The following PSD3 variants were observed in gnomAD, a reference collection of about 807,000 sequenced individuals.
The protein encoded by PSD3 is PH and SEC7 domain-containing protein 3.
PSD3 carries 49 observed loss-of-function variants against 105.5 expected under a neutral mutation model. The observed-to-expected ratio is 0.46, with a 90% CI of 0.37 to 0.59. The LOEUF is 0.59. PSD3 is among the 20% of genes least tolerant of loss of function. The probability of loss-of-function intolerance (pLI) is 0.00; values close to 1 mark genes in which losing one functional copy is unlikely to be tolerated. For missense variants in PSD3, 1,561 were observed against 1,263.8 expected, an observed-to-expected ratio of 1.24 and a Z score of -3.57; for synonymous variants, 557 against 457.8, an observed-to-expected ratio of 1.22 and a Z score of -2.77.
At chr8:18,765,618 A>G (rs17127176) in intron 8 of PSD3, 80 bp from the exon 9 acceptor site, 76,723 of 1,216,562 alleles carry the variant, frequency 0.063, 2,826 homozygotes, top group African/African-American at 0.1. Flanking sequence ...GAGGCAGACC[A>G]ATAATTTGTT....
At chr8:18,536,449 A>C (rs1179760171) in intron 15 of PSD3, among the ~76,000 whole-genome samples, 1 of 152,174 alleles carries the variant, frequency 6.6e-6, no homozygotes, top group Non-Finnish European at 1.5e-5. Flanking sequence ...TTGAGGGACC[A>C]TTCCGTGGCT....
chr8:18,740,105 G>A (rs1436135518), intron 9 of PSD3, among the ~76,000 whole-genome samples: 1 of 152,184 alleles, frequency 6.6e-6, no homozygotes, highest in East Asian at 1.9e-4. Flanking sequence ...AGCAGGAGCT[G>A]CTGTCCATGG....
At chr8:18,961,563 G>A (rs1823925404) in intron 1 of PSD3, among the ~76,000 whole-genome samples, 1 of 152,036 alleles carries the variant, frequency 6.6e-6, no homozygotes, top group Non-Finnish European at 1.5e-5. Flanking sequence ...GGTGGCACAT[G>A]CTTGTAATCC....
chr8:18,766,725 A>G (rs923775446), intron 8 of PSD3, among the ~76,000 whole-genome samples: 9 of 152,202 alleles, frequency 5.9e-5, no homozygotes, highest in Admixed American at 2.0e-4. Flanking sequence ...CAAGGTATTT[A>G]TTACTTACAC....
chr8:19,080,269 A>T (rs1829600787), intron 1 of PSD3, among the ~76,000 whole-genome samples: 1 of 152,210 alleles, frequency 6.6e-6, no homozygotes, highest in Admixed American at 6.5e-5. Flanking sequence ...GGTATTATAG[A>T]ATTTTTGAGG....
intron 11 of PSD3, among the ~76,000 whole-genome samples, chr8:18,608,161 A>G (rs1356742321): frequency 6.6e-6 from 1 of 152,184 alleles, no homozygotes; most frequent in Non-Finnish European, 1.5e-5. Context: ...TTGAGGCTGC[A>G]GTGAGCCATG....
chr8:18,949,250 T>TATATATATATATATATACAC (rs1823081438), intron 1 of PSD3, among the ~76,000 whole-genome samples: 1 of 51,748 alleles, frequency 1.9e-5, no homozygotes, highest in African/African-American at 9.3e-5. Context: ...AAAAAATATA[T>TATATATATATATATATACAC]ATATATATAT....
chr8:18,750,595 C>T (rs540807517), intron 9 of PSD3, among the ~76,000 whole-genome samples: 2 of 152,246 alleles, frequency 1.3e-5, no homozygotes, highest in South Asian at 2.1e-4. Flanking sequence ...TGGGTTGCCA[C>T]TGCTGGCTCC....
intron 1 of PSD3, among the ~76,000 whole-genome samples, chr8:19,002,732 C>T (rs994295760): frequency 1.3e-5 from 2 of 151,984 alleles, no homozygotes; most frequent in African/African-American, 4.8e-5. Flanking sequence ...TGACAAGAAA[C>T]AGATGTCCAT....
chr8:18,788,142 T>C (rs115797425), intron 8 of PSD3, among the ~76,000 whole-genome samples: 1,822 of 152,270 alleles, frequency 0.012, 27 homozygotes, highest in African/African-American at 0.042. Flanking sequence ...AAGGAAGTGG[T>C]ATTGGTACTG....
intron 1 of PSD3, among the ~76,000 whole-genome samples, chr8:19,002,468 T>C (rs1292216087): frequency 6.6e-6 from 1 of 152,022 alleles, no homozygotes; most frequent in Non-Finnish European, 1.5e-5. Flanking sequence ...AGTTCTAGTA[T>C]CTACTGAAGA....
chr8:18,583,794 T>C (rs1802975115), intron 12 of PSD3, among the ~76,000 whole-genome samples: 3 of 151,256 alleles, frequency 2.0e-5, no homozygotes, highest in Admixed American at 2.0e-4. Flanking sequence ...AATTGGCCTT[T>C]TGTTTGTTAA....
chr8:18,954,814 C>T (rs1487390326), intron 1 of PSD3, among the ~76,000 whole-genome samples: 2 of 152,146 alleles, frequency 1.3e-5, no homozygotes, highest in East Asian at 1.9e-4. Context: ...CTGATACAGA[C>T]GGTTCAAGGA....
At chr8:18,792,173 T>C (rs1354631133) in intron 8 of PSD3, among the ~76,000 whole-genome samples, 2 of 152,178 alleles carry the variant, frequency 1.3e-5, no homozygotes, top group Non-Finnish European at 2.9e-5. Flanking sequence ...CTCAAAGACC[T>C]AGAACCAGAA....
At chr8:18,879,858 C>T (rs1013938245) in intron 2 of PSD3, among the ~76,000 whole-genome samples, 2 of 152,050 alleles carry the variant, frequency 1.3e-5, no homozygotes, top group Non-Finnish European at 2.9e-5. Flanking sequence ...CTTGGCCTCC[C>T]AAAGTGCTGG....
chr8:18,709,594 T>A (rs114755696), intron 9 of PSD3, among the ~76,000 whole-genome samples: 3 of 152,282 alleles, frequency 2.0e-5, no homozygotes, highest in African/African-American at 7.2e-5. Flanking sequence ...GAGTTCTGGC[T>A]AGCATCAGGT....
chr8:18,826,644 C>A (rs1042095239), intron 4 of PSD3, among the ~76,000 whole-genome samples: 1 of 152,224 alleles, frequency 6.6e-6, no homozygotes, highest in Admixed American at 6.5e-5. Flanking sequence ...ACTGTGTTAT[C>A]TTTGAAGTTT....
intron 1 of PSD3, among the ~76,000 whole-genome samples, chr8:19,030,088 T>C (rs1827708787): frequency 6.6e-6 from 1 of 152,172 alleles, no homozygotes; most frequent in Admixed American, 6.5e-5. Flanking sequence ...TCTTTCCCTA[T>C]TAAGGAGAAT....
intron 11 of PSD3, among the ~76,000 whole-genome samples, chr8:18,618,408 G>A (rs1218086469): frequency 6.6e-6 from 1 of 151,336 alleles, no homozygotes; most frequent in East Asian, 1.9e-4. Context: ...ACTTGTATCT[G>A]GCTCAGAATA....
Sources: gnomAD v4.1 joint callset for allele counts (sites outside exome capture counted in the v4.1 genomes callset) on GRCh38, gnomAD v4.1.1 for gene constraint, MANE v1.5 for transcripts, NCBI Gene and HGNC (gene_info 2026-07-23, HGNC 2026-07-21) for gene names.